The following ARHGEF18 variants were observed in gnomAD, a reference collection of about 807,000 sequenced individuals.
ARHGEF18 encodes the protein rho guanine nucleotide exchange factor 18.
ARHGEF18 carries 93 observed loss-of-function variants against 155.7 expected under a neutral mutation model. That is an observed-to-expected ratio of 0.60 (90% confidence interval 0.50 to 0.71). ARHGEF18 has a LOEUF of 0.71. Ranked by LOEUF, ARHGEF18 falls within the 30% of genes least tolerant of loss-of-function variation. The pLI is 0.00. For missense variants in ARHGEF18, 1,593 were observed against 1,816.1 expected (o/e 0.88, Z 2.23); for synonymous variants, 742 against 753.1 (o/e 0.99, Z 0.24).
intron 10 of ARHGEF18, among the ~76,000 whole-genome samples, chr19:7,401,652 G>T (rs1179829068): frequency 6.6e-6 from 1 of 152,150 alleles, no homozygotes; most frequent in Admixed American, 6.6e-5. Context: ...AATATAGGTT[G>T]GTGTAGCTGC....
chr19:7,436,426 A>G (rs1247123869), intron 10 of ARHGEF18, among the ~76,000 whole-genome samples: 1 of 151,784 alleles, frequency 6.6e-6, no homozygotes, highest in Non-Finnish European at 1.5e-5. Flanking sequence ...ACAGGTGTGC[A>G]CCACCACTGC....
At chr19:7,467,800 C>T in intron 26 of ARHGEF18, 116 bp downstream of exon 26, 1 of 1,036,070 alleles carries the variant, frequency 9.7e-7, no homozygotes, top group East Asian at 3.3e-5. Context: ...AGTGTAAGAG[C>T]AAACGGCACA....
At chr19:7,426,486 C>CAAAAAA (rs760020542) in intron 10 of ARHGEF18, among the ~76,000 whole-genome samples, 2 of 100,782 alleles carry the variant, frequency 2.0e-5, no homozygotes, top group Non-Finnish European at 4.1e-5. Flanking sequence ...GACTCTGTCT[C>CAAAAAA]AAAAAAAAAA....
At chr19:7,361,482 A>G (rs115980588) in intron 1 of ARHGEF18, among the ~76,000 whole-genome samples, 2,026 of 152,240 alleles carry the variant, frequency 0.013, 50 homozygotes, top group African/African-American at 0.046. Context: ...AGCTAAGCAT[A>G]GATTAGCATG....
chr19:7,382,255 G>T (rs1970781017), intron 8 of ARHGEF18, among the ~76,000 whole-genome samples: 1 of 151,964 alleles, frequency 6.6e-6, no homozygotes, highest in Non-Finnish European at 1.5e-5. Flanking sequence ...AATTAGCTGG[G>T]CACAGTGGCA....
intron 10 of ARHGEF18, among the ~76,000 whole-genome samples, chr19:7,426,499 A>AAG (rs1973676353): frequency 2.0e-5 from 3 of 151,794 alleles, no homozygotes; most frequent in Admixed American, 6.6e-5. Flanking sequence ...AAAAAAAAAA[A>AAG]AAAGAAAAAA....
chr19:7,479,070 C>T, the ARHGEF18 span, among the ~76,000 whole-genome samples: 1 of 152,360 alleles, frequency 6.6e-6, no homozygotes, highest in South Asian at 2.1e-4. Flanking sequence ...GGTCACAACT[C>T]CTCTGGCCAC....
chr19:7,466,836 A>AGG lies in ARHGEF18; in HGVS notation c.2905-82_2905-81insGG, dbSNP rs1976648765. The AGG allele has an allele frequency of 7.3e-6, 8 of 1,094,846 alleles. No homozygotes were observed. In the African/African-American group the frequency reaches 8.9e-5, roughly 12 times the overall value. 67.8% of individuals were successfully genotyped at this position (1,094,846 alleles called of 1,614,324 possible). A position where few individuals can be genotyped will look rare whatever the true frequency, so the allele number is the denominator to read the frequency against. On this transcript the variant is annotated intron_variant, in intron 23 of 28. Transcript: ENST00000668164. ...AAAAAAAAAAAAAAAAGTTAAAAAA[A>AGG]AAGAAGAAGAAGAAGAAGGCTTGAG...
At chr19:7,381,216 C>A (rs1431243641) in intron 8 of ARHGEF18, among the ~76,000 whole-genome samples, 2 of 151,340 alleles carry the variant, frequency 1.3e-5, no homozygotes, top group South Asian at 2.1e-4. Flanking sequence ...AGGGTTCTGA[C>A]GGAAGAGTAG....
intron 4 of ARHGEF18, 83 bp from the exon 5 acceptor site, chr19:7,376,560 G>A: frequency 1.2e-6 from 1 of 840,462 alleles, no homozygotes; most frequent in Non-Finnish European, 1.6e-6. Context: ...GGCCCTGGCT[G>A]TGGGTTGGGC....
Position 7,453,495 on chromosome 19 carries a change from C to T in ARHGEF18, c.1884C>T (p.Thr628=). The T allele has an allele frequency of 1.2e-6, 2 of 1,611,556 alleles. No individual in the cohort carries two copies. The highest frequency in any genetic ancestry group is 1.7e-6 in the Non-Finnish European group (2 of 1,178,106). The change falls in exon 17 of 29, where the codon ACC becomes ACT. Residue 628 remains threonine, a synonymous_variant. Coordinates refer to ENST00000668164, the MANE Select transcript of ARHGEF18 (RefSeq NM_001367823.1). ...EAGTEDYEDL[T]QALNLIKDII... The stretch of plus-strand genomic sequence containing the variant: ...GCACTGAGGACTATGAAGACCTGAC[C>T]CAGGCCTTGAACCTCATCAAAGATA...
intron 1 of ARHGEF18, chr19:7,355,619 A>G (rs1217454509): frequency 1.3e-5 from 13 of 985,302 alleles, no homozygotes; most frequent in African/African-American, 1.7e-5. Context: ...ACACGCACGC[A>G]TGGCCCCCAT....
At chr19:7,349,811 G>C (rs1969113895) in intron 1 of ARHGEF18, among the ~76,000 whole-genome samples, 1 of 152,090 alleles carries the variant, frequency 6.6e-6, no homozygotes, top group Non-Finnish European at 1.5e-5. Flanking sequence ...CCTGCGTGGA[G>C]ACAGGAGACA....
intron 10 of ARHGEF18, among the ~76,000 whole-genome samples, chr19:7,417,203 A>G (rs572931856): frequency 6.6e-6 from 1 of 152,138 alleles, no homozygotes; most frequent in African/African-American, 2.4e-5. Flanking sequence ...GTGAACCACT[A>G]CACCTGGCCT....
intron 1 of ARHGEF18, among the ~76,000 whole-genome samples, chr19:7,362,353 G>GGAGA (rs1555698251): frequency 7.0e-6 from 1 of 142,796 alleles, no homozygotes; most frequent in African/African-American, 2.9e-5. Flanking sequence ...AGAGGAGGAG[G>GGAGA]AGGAAAAACA....
chr19:7,355,008 T>A (rs1969248180), intron 1 of ARHGEF18, among the ~76,000 whole-genome samples: 1 of 150,486 alleles, frequency 6.6e-6, no homozygotes, highest in South Asian at 2.1e-4. Context: ...TAGAAACAGA[T>A]CTCCCCAAGA....
At chr19:7,477,362 A>G, downstream of ARHGEF18, 1 of 1,558,894 alleles carries the variant, frequency 6.4e-7, no homozygotes. Flanking sequence ...CAGGTCGGCC[A>G]GGTTGCTGAG....
chr19:7,451,277 T>C lies in ARHGEF18; in HGVS notation c.1855+11T>C, dbSNP rs746347014. On this transcript the variant is annotated intron_variant, in intron 16 of 28. Coordinates refer to ENST00000668164, the MANE Select transcript of ARHGEF18 (RefSeq NM_001367823.1). ...TCCAGAACACGGAAGGTAGGCCTTC[T>C]CCCCACTGCCCCGCCCGCCCGTGCT... The C allele has an allele frequency of 3.0e-5, 48 of 1,611,956 alleles. No individual in the cohort carries two copies. In the East Asian group the frequency reaches 1.0e-3, roughly 34 times the overall value.
Position 7,469,898 on chromosome 19 carries a change from T to C in ARHGEF18, c.3788-6T>C. The C allele has an allele frequency of 6.2e-7, 1 of 1,612,626 alleles. No homozygotes were observed. Among genetic ancestry groups the C allele is most frequent in the Non-Finnish European group, 8.5e-7 (1 of 1,179,712 alleles). On this transcript the variant is annotated splice_polypyrimidine_tract_variant and splice_region_variant and intron_variant, in intron 27 of 28. Coordinates refer to ENST00000668164, the MANE Select transcript of ARHGEF18 (RefSeq NM_001367823.1). ...GGAGCTGGCCCAAATACCTTCTCTC[T>C]TCCAGCGTCCTTCGACCTGAAGCAG... is the stretch of plus-strand genomic sequence containing the variant.
Sources: allele counts gnomAD v4.1 joint callset (sites outside exome capture counted in the v4.1 genomes callset), GRCh38; gene constraint gnomAD v4.1.1; transcripts MANE v1.5; gene names NCBI Gene and HGNC (gene_info 2026-07-23, HGNC 2026-07-21).